PHRF1: variants seen among roughly 807,000 people sequenced by gnomAD.
PHRF1 encodes the protein PHD and RING finger domain-containing protein 1.
Under a neutral mutation model 128.9 loss-of-function variants are expected in PHRF1, and 53 were observed. The observed-to-expected ratio is 0.41, with a 90% CI of 0.33 to 0.52. PHRF1 has a LOEUF of 0.52. Ranked by LOEUF, PHRF1 falls within the 20% of genes least tolerant of loss-of-function variation. The pLI, the probability that PHRF1 is intolerant of heterozygous loss-of-function variation, is 0.21. For synonymous variants in PHRF1, 1,178 were observed against 980.6 expected (o/e 1.20, Z -3.76); for missense variants, 2,503 against 2,284.5 (o/e 1.10, Z -1.95).
intron 9 of PHRF1, among the ~76,000 whole-genome samples, chr11:598,880 G>A (rs1855464355): frequency 6.6e-6 from 1 of 152,248 alleles, no homozygotes; most frequent in African/African-American, 2.4e-5. Flanking sequence ...GTTGAGATCA[G>A]TGATTTCGCA....
chr11:589,752 C>T (rs73396307), intron 4 of PHRF1, among the ~76,000 whole-genome samples: 3,426 of 150,366 alleles, frequency 0.023, 192 homozygotes, highest in African/African-American at 0.082. Flanking sequence ...GAGAGAGTGT[C>T]TGCAAACGGG....
chr11:588,410 G>T (rs892075734), intron 4 of PHRF1, among the ~76,000 whole-genome samples: 2 of 151,050 alleles, frequency 1.3e-5, no homozygotes, highest in African/African-American at 2.4e-5. Context: ...ACGGAGTTTT[G>T]TTCTTGTTGC....
chr11:597,044 A>C lies in PHRF1; in HGVS notation c.718+24A>C. 6.2e-7 allele frequency: 1 copy of C among 1,609,888 alleles called. No homozygotes were observed. Among genetic ancestry groups the C allele is most frequent in the Non-Finnish European group, 8.5e-7 (1 of 1,176,830 alleles). On this transcript the variant is annotated intron_variant, in intron 7 of 17. Coordinates refer to ENST00000264555, the MANE Select transcript of PHRF1 (RefSeq NM_001286581.2). This position sits in a 1 kb window ranked among gnomAD's most constrained non-coding sequence, Gnocchi z 6.5. ...TGGTAAGGACACTGCTCCCGTCCCA[A>C]GGCGCACATGGGCCTTCTCACTGTC...
Position 597,151 on chromosome 11 carries a change from G to GCGGTGT in PHRF1, c.718+135_718+140dup. The GCGGTGT allele has an allele frequency of 9.4e-7, 1 of 1,066,456 alleles. No individual in the cohort carries two copies. Among genetic ancestry groups the GCGGTGT allele is most frequent in the Non-Finnish European group, 1.4e-6 (1 of 736,826 alleles). 66.1% of individuals were successfully genotyped at this position (1,066,456 alleles called of 1,614,324 possible). On this transcript the variant is annotated intron_variant, in intron 7 of 17. Coordinates refer to ENST00000264555, the MANE Select transcript of PHRF1 (RefSeq NM_001286581.2). This position sits in a 1 kb window ranked among gnomAD's most constrained non-coding sequence, Gnocchi z 6.5. ...TGTCTCATGGGGGTTAGGGTTGGCT[G>GCGGTGT]CGGTGTCGGGAGGACATCTAGGGCT...
rs76072858 is a variant in PHRF1, at chr11:589,581, G to A, written c.421-1803G>A. Among the ~76,000 whole-genome samples, 96 of 151,660 alleles carry A rather than the reference G, an allele frequency of 6.3e-4. 1 individual carries two copies. The highest frequency in any genetic ancestry group is 5.1e-4 in the African/African-American group (21 of 41,412). On this transcript the variant is annotated intron_variant, in intron 4 of 17. Coordinates refer to ENST00000264555, the MANE Select transcript of PHRF1 (RefSeq NM_001286581.2). ...AAGAGGCCTGGACACACTCGGGGGG[G>A]CAGGAGGCGCCTGTGGGGCAGGTCA...
rs1856439519 is a variant in PHRF1 at position 612,026 on chromosome 11, A to G, written c.*249A>G. 1 of 522,222 alleles carries G rather than the reference A, an allele frequency of 1.9e-6. No homozygotes were observed. The highest frequency in any genetic ancestry group is 3.3e-6 in the Non-Finnish European group (1 of 302,728). The allele number at this position is 522,222 out of a possible 1,614,324, so 32.3% of individuals were successfully genotyped here. A position where few individuals can be genotyped will look rare whatever the true frequency, so the allele number is the denominator to read the frequency against. On this transcript the variant is annotated 3_prime_UTR_variant, in exon 18 of 18. Coordinates refer to ENST00000264555, the MANE Select transcript of PHRF1 (RefSeq NM_001286581.2). ...TGTATATTATAGAGACACTGTTTCC[A>G]TTCTAATTTATCAAAAATGGATTAT...
At chr11:596,434 C>G (rs1237480904) in intron 6 of PHRF1, among the ~76,000 whole-genome samples, 2 of 152,176 alleles carry the variant, frequency 1.3e-5, no homozygotes, top group African/African-American at 4.8e-5. Context: ...GAGACAAGCT[C>G]TCTGGGAAGG....
rs78620810 is a variant in PHRF1, at chr11:610,330, G to C, written c.4399G>C (p.Asp1467His). Residue 1467 changes from aspartate to histidine, a missense_variant, in exon 15 of 18, where the codon GAC (aspartate) becomes CAC (histidine). By Grantham distance (81) the Asp-to-His change is moderately conservative. Coordinates refer to ENST00000264555, the MANE Select transcript of PHRF1 (RefSeq NM_001286581.2). The part of the protein sequence containing the change: ...SHVLPEPGFP[D>H]TDPSQVYSPG... ...CGTGCTTCCGGAACCCGGGTTCCCAGACACAGACCCCTCTCAGGTGGGTGT... is the reference window on the plus strand; with the variant it reads ...CGTGCTTCCGGAACCCGGGTTCCCACACACAGACCCCTCTCAGGTGGGTGT... 6.4e-7 allele frequency: 1 copy of C among 1,566,716 alleles called. No homozygotes were observed. The highest frequency in any genetic ancestry group is 8.7e-7 in the Non-Finnish European group (1 of 1,155,958).
Position 606,584 on chromosome 11 carries a change from G to A in PHRF1, c.1597G>A (p.Ala533Thr), listed in dbSNP as rs759707741. Residue 533 changes from alanine to threonine, a missense_variant, in exon 13 of 18, where the codon GCC becomes ACC. Transcript: ENST00000264555. ...VIIHRDGSLS[A>T]KRAAPVSFQR... Reference sequence around the variant, plus strand: ...CATCCACCGCGACGGCTCCCTCAGCGCCAAGAGGGCGGGTGAGTGCCTTCC... The same window carrying A: ...CATCCACCGCGACGGCTCCCTCAGCACCAAGAGGGCGGGTGAGTGCCTTCC... 2.5e-6 allele frequency: 4 copies of A among 1,604,870 alleles called. No homozygotes were observed. The highest frequency in any genetic ancestry group is 1.3e-5 in the African/African-American group (1 of 74,946).
chr11:611,423 C>G (rs576002944), intron 17 of PHRF1, among the ~76,000 whole-genome samples: 10 of 152,348 alleles, frequency 6.6e-5, no homozygotes, highest in Admixed American at 4.6e-4. Context: ...CCCACCGACA[C>G]CGTGGGACCC....
Position 608,047 on chromosome 11 carries a change from C to G in PHRF1, c.2591C>G (p.Ser864Cys). ...CCCTCTGAGATCACACGAACCATCT[C>G]CATCAACAGCCCGAAGGCCCAGACG... ...LLPSEITRTISINSPKAQTVQ... is the reference protein window; with the variant it reads ...LLPSEITRTICINSPKAQTVQ... Residue 864 changes from serine to cysteine, a missense_variant, in exon 14 of 18, where the codon TCC (serine) becomes TGC (cysteine). Coordinates refer to ENST00000264555, the MANE Select transcript of PHRF1 (RefSeq NM_001286581.2). The G allele has an allele frequency of 6.2e-7, 1 of 1,611,426 alleles. No homozygotes were observed. Among genetic ancestry groups the G allele is most frequent in the South Asian group, 1.1e-5 (1 of 91,080 alleles).
At chr11:579,214 T>C (rs1342653200) in intron 1 of PHRF1, among the ~76,000 whole-genome samples, 1 of 130,724 alleles carries the variant, frequency 7.6e-6, no homozygotes, top group Admixed American at 7.8e-5. Context: ...AGTTGGACCC[T>C]GGGACTCCCC....
At chr11:600,889 C>T (rs1855587616) in intron 9 of PHRF1, among the ~76,000 whole-genome samples, 1 of 152,104 alleles carries the variant, frequency 6.6e-6, no homozygotes, top group Admixed American at 6.5e-5. Context: ...TGGCGTGAAC[C>T]TGGGAGGCAG....
In PHRF1 at chr11:610,786, C is replaced by G. The variant is rs746836272; in HGVS notation, c.4677+25C>G. The G allele has an allele frequency of 4.4e-6, 7 of 1,594,706 alleles. No homozygotes were observed. The South Asian group carries it at 5.5e-5, about 13-fold the overall frequency. ...GGTGAGTCCTGCCTCCTCCCACTTT[C>G]CCCATGTTCCCATCTTACTTTGAAA... On this transcript the variant is annotated intron_variant, in intron 16 of 17. Coordinates refer to ENST00000264555, the MANE Select transcript of PHRF1 (RefSeq NM_001286581.2).
Position 597,603 on chromosome 11 carries a change from ACCCCAGCTG to A in PHRF1, c.894+37_894+45del. 1 of 1,478,580 alleles carries A rather than the reference ACCCCAGCTG, an allele frequency of 6.8e-7. No individual in the cohort carries two copies. The highest frequency in any genetic ancestry group is 9.1e-7 in the Non-Finnish European group (1 of 1,097,122). 91.6% of individuals were successfully genotyped at this position (1,478,580 alleles called of 1,614,324 possible). On this transcript the variant is annotated intron_variant, in intron 8 of 17. Coordinates refer to ENST00000264555, the MANE Select transcript of PHRF1 (RefSeq NM_001286581.2). This position sits in a 1 kb window ranked among gnomAD's most constrained non-coding sequence, Gnocchi z 6.5. ...GCCCAGCCCTGACGCCAGTCGTAGA[ACCCCAGCTG>A]CCCAGAGTGATCTCGGCAGTCTGGG...
chr11:603,725 G>GTTTTTTTTTTTTTTTTTTTTTTTTT (rs1233128066), intron 10 of PHRF1, among the ~76,000 whole-genome samples: 2 of 103,282 alleles, frequency 1.9e-5, no homozygotes, highest in African/African-American at 4.3e-5. Flanking sequence ...CCATATTTAA[G>GTTTTTTTTTTTTTTTTTTTTTTTTT]TTTGTTTTTT....
chr11:605,127 C>T lies in PHRF1; in HGVS notation c.1161C>T (p.Ala387=). 1 of 1,609,136 alleles carries T rather than the reference C, an allele frequency of 6.2e-7. No homozygotes were observed. ...KRRGKKVKSE[A]TTRSRIARTL... Reference sequence around the variant, plus strand: ...TTTGTTACTGGATTCAGAGTGAAGCCACCACTCGCTCTCGAATCGCGCGGA... The same window carrying T: ...TTTGTTACTGGATTCAGAGTGAAGCTACCACTCGCTCTCGAATCGCGCGGA... The change falls in exon 11 of 18, where the codon GCC becomes GCT. Residue 387 remains alanine, a synonymous_variant. Transcript: ENST00000264555.
intron 10 of PHRF1, among the ~76,000 whole-genome samples, chr11:604,306 C>A (rs1855818039): frequency 6.6e-6 from 1 of 152,176 alleles, no homozygotes; most frequent in Non-Finnish European, 1.5e-5. Context: ...GCCTGGGGGC[C>A]CGATGGCACG....
intron 3 of PHRF1, 27 bp downstream of exon 3, chr11:582,108 T>A: frequency 3.2e-6 from 5 of 1,563,034 alleles, no homozygotes; most frequent in Non-Finnish European, 4.3e-6. Context: ...TCACGCCGGC[T>A]CCTGTGTTTC....
Sources: allele counts gnomAD v4.1 joint callset (sites outside exome capture counted in the v4.1 genomes callset), GRCh38; gene constraint gnomAD v4.1.1; non-coding constraint Gnocchi (gnomAD v3.1); transcripts MANE v1.5; gene names NCBI Gene and HGNC (gene_info 2026-07-23, HGNC 2026-07-21).